Variants in KATNAL1 observed in about 807,000 individuals in gnomAD.
The protein encoded by KATNAL1 is katanin p60 ATPase-containing subunit A-like 1.
A neutral mutation model predicts 55.2 loss-of-function variants in KATNAL1; 32 were observed. The observed-to-expected ratio is 0.58, with a 90% confidence interval of 0.44 to 0.78. The LOEUF is 0.78. Among genes scored for constraint, KATNAL1 ranks in the 30% least tolerant of loss-of-function variants. The pLI is 0.00. For missense variants in KATNAL1, 466 were observed against 600.9 expected (o/e 0.78, Z 2.35); for synonymous variants, 193 against 193.6 (o/e 1.00, Z 0.02).
chr13:30,230,601 G>T lies in KATNAL1; in HGVS notation c.886-7C>A. 6.3e-7 allele frequency: 1 copy of T among 1,575,764 alleles called. No individual in the cohort carries two copies. The highest frequency in any genetic ancestry group is 1.2e-5 in the South Asian group (1 of 85,388). ...TAGGGGCATAAAATCTAGCCTTTAT[G>T]AAAATATTTTAAAGAAATCATTCAA... On this transcript the variant is annotated splice_region_variant and splice_polypyrimidine_tract_variant and intron_variant, in intron 7 of 10. Transcript: ENST00000380615.
At chr13:30,242,049 C>G (rs1309879630) in intron 4 of KATNAL1, among the ~76,000 whole-genome samples, 1 of 152,096 alleles carries the variant, frequency 6.6e-6, no homozygotes, top group Admixed American at 6.6e-5. Flanking sequence ...ACACAAGAAA[C>G]ATAACATCAA....
chr13:30,243,942 A>T (rs748263808), intron 4 of KATNAL1, among the ~76,000 whole-genome samples: 2 of 152,042 alleles, frequency 1.3e-5, no homozygotes, highest in Non-Finnish European at 2.9e-5. Flanking sequence ...TCTTTTTTTT[A>T]AATTATACTT....
chr13:30,215,748 G>T (rs894828143), intron 9 of KATNAL1, among the ~76,000 whole-genome samples: 1 of 151,934 alleles, frequency 6.6e-6, no homozygotes, highest in Non-Finnish European at 1.5e-5. Context: ...ACACAGGAAG[G>T]GGAACATCAC....
chr13:30,292,331 A>C (rs1444964998), intron 1 of KATNAL1, among the ~76,000 whole-genome samples: 2 of 152,172 alleles, frequency 1.3e-5, no homozygotes, highest in African/African-American at 4.8e-5. Context: ...AAGAGTTAAA[A>C]CTATAAAGCT....
chr13:30,249,512 T>C (rs1017728598), intron 4 of KATNAL1, among the ~76,000 whole-genome samples: 2 of 152,138 alleles, frequency 1.3e-5, no homozygotes, highest in Non-Finnish European at 2.9e-5. Context: ...TATCCATTAA[T>C]AAGAAAACAG....
intron 4 of KATNAL1, among the ~76,000 whole-genome samples, chr13:30,254,694 A>G (rs1266517559): frequency 1.3e-5 from 2 of 152,194 alleles, no homozygotes. Flanking sequence ...TAACTAGTAA[A>G]ATAAAACTTT....
At chr13:30,212,933 C>G (rs2149970) in intron 9 of KATNAL1, among the ~76,000 whole-genome samples, 13,108 of 152,082 alleles carry the variant, frequency 0.086, 877 homozygotes, top group East Asian at 0.34. Context: ...GGCTCTAATC[C>G]AACATGACTG....
rs1406587125 is a variant in KATNAL1 at position 30,204,445 on chromosome 13, G to C, written c.*4095C>G. ...TATCTCAAGTTAGGGTGGGGGGAAA[G>C]TGAATCACAGCTACCTCAGCTGGTT... On this transcript the variant is annotated 3_prime_UTR_variant, in exon 11 of 11. Transcript: ENST00000380615. 2 of 152,162 alleles carry C rather than the reference G, an allele frequency of 1.3e-5. No individual in the cohort carries two copies. Among genetic ancestry groups the C allele is most frequent in the African/African-American group, 2.4e-5 (1 of 41,436 alleles). The allele number at this position is 152,162 out of a possible 1,614,324, so 9.4% of individuals were successfully genotyped here. A position where few individuals can be genotyped will look rare whatever the true frequency, so the allele number is the denominator to read the frequency against.
intron 6 of KATNAL1, among the ~76,000 whole-genome samples, chr13:30,239,297 C>T (rs924388118): frequency 6.6e-6 from 1 of 152,124 alleles, no homozygotes; most frequent in Non-Finnish European, 1.5e-5. Flanking sequence ...GTAATTGCAG[C>T]TACTCAGGAG....
Position 30,207,450 on chromosome 13 carries a change from T to C in KATNAL1, c.*1090A>G, listed in dbSNP as rs1190869160. 6.6e-6 allele frequency: 1 copy of C among 152,232 alleles called. No homozygotes were observed. The highest frequency in any genetic ancestry group is 1.5e-5 in the Non-Finnish European group (1 of 68,030). The allele number at this position is 152,232 out of a possible 1,614,324, so 9.4% of individuals were successfully genotyped here. On this transcript the variant is annotated 3_prime_UTR_variant, in exon 11 of 11. Transcript: ENST00000380615. ...GTTAAACTAGCTGTTTGGAAAACAATAAAGATTTCATTTGTTTTGCGTTAG... is the reference window on the plus strand; with the variant it reads ...GTTAAACTAGCTGTTTGGAAAACAACAAAGATTTCATTTGTTTTGCGTTAG...
At chr13:30,276,602 C>G (rs1265785778) in intron 3 of KATNAL1, among the ~76,000 whole-genome samples, 1 of 151,492 alleles carries the variant, frequency 6.6e-6, no homozygotes, top group East Asian at 1.9e-4. Context: ...CAGTGTGGTA[C>G]TTGCTTAGAA....
chr13:30,226,900 AC>A (rs1438595315), intron 9 of KATNAL1, among the ~76,000 whole-genome samples: 2 of 152,030 alleles, frequency 1.3e-5, no homozygotes, highest in African/African-American at 2.4e-5. Flanking sequence ...ACATGGCAAA[AC>A]CCTGTCTCTA....
chr13:30,223,450 A>C (rs1283914603), intron 9 of KATNAL1, among the ~76,000 whole-genome samples: 6 of 150,368 alleles, frequency 4.0e-5, no homozygotes, highest in Admixed American at 4.0e-4. Context: ...TCAAAAAAAA[A>C]AAAAAAAAAA....
chr13:30,243,427 C>T (rs1877464479), intron 4 of KATNAL1, among the ~76,000 whole-genome samples: 1 of 152,050 alleles, frequency 6.6e-6, no homozygotes, highest in Non-Finnish European at 1.5e-5. Context: ...CAGTTACTAG[C>T]TCTGGGTCTT....
At chr13:30,298,273 A>G (rs1230801658) in intron 1 of KATNAL1, among the ~76,000 whole-genome samples, 1 of 152,208 alleles carries the variant, frequency 6.6e-6, no homozygotes, top group African/African-American at 2.4e-5. Context: ...CTCATATGGT[A>G]TATACTCTGA....
At chr13:30,252,773 C>T (rs1296760147) in intron 4 of KATNAL1, among the ~76,000 whole-genome samples, 2 of 151,014 alleles carry the variant, frequency 1.3e-5, no homozygotes, top group East Asian at 1.9e-4. Context: ...GACCAAGTCT[C>T]GCTCTGTTGC....
At chr13:30,248,836 G>A (rs1329054360) in intron 4 of KATNAL1, among the ~76,000 whole-genome samples, 2 of 152,162 alleles carry the variant, frequency 1.3e-5, no homozygotes, top group African/African-American at 4.8e-5. Context: ...GAGACGGGTG[G>A]ATCACGAGGT....
intron 1 of KATNAL1, among the ~76,000 whole-genome samples, chr13:30,285,487 A>G (rs1329611730): frequency 2.6e-5 from 4 of 152,166 alleles, no homozygotes; most frequent in Non-Finnish European, 4.4e-5. Context: ...TGCCCTGTGA[A>G]GAGGTGCCTT....
At chr13:30,285,308 C>T (rs1000947116) in intron 1 of KATNAL1, among the ~76,000 whole-genome samples, 2 of 116,084 alleles carry the variant, frequency 1.7e-5, no homozygotes, top group Non-Finnish European at 3.4e-5. Context: ...CAAATCTCAC[C>T]TTAAATTGTA....
Sources: gnomAD v4.1 joint callset for allele counts (sites outside exome capture counted in the v4.1 genomes callset) on GRCh38, gnomAD v4.1.1 for gene constraint, MANE v1.5 for transcripts, NCBI Gene and HGNC (gene_info 2026-07-23, HGNC 2026-07-21) for gene names.